The following ARID1B variants were observed in gnomAD, a reference collection of about 807,000 sequenced individuals.
ARID1B encodes the protein AT-rich interactive domain-containing protein 1B.
A neutral mutation model predicts 212.3 loss-of-function variants in ARID1B; 30 were observed. The ratio of observed to expected loss-of-function variants is 0.14; its 90% CI spans 0.11 to 0.19. ARID1B has a LOEUF of 0.19. Ranked by LOEUF, ARID1B falls within the 10% of genes least tolerant of loss-of-function variation. The probability of loss-of-function intolerance (pLI) is 1.00; values close to 1 mark genes in which losing one functional copy is unlikely to be tolerated. For missense variants in ARID1B, 2,891 were observed against 3,204.0 expected, an observed-to-expected ratio of 0.90 and a Z score of 2.36; for synonymous variants, 1,402 against 1,301.7, an observed-to-expected ratio of 1.08 and a Z score of -1.66.
At chr6:157,194,105 G>A (rs1793564094) in intron 15 of ARID1B, 1 of 152,186 alleles carries the variant, frequency 6.6e-6, no homozygotes, top group Non-Finnish European at 1.5e-5. Context: ...CTTTTCATAT[G>A]TTGATTGACC....
rs2128046366 is a variant in ARID1B, at chr6:156,829,314, C to G, written c.1879C>G (p.Pro627Ala). The change falls in exon 2 of 20, where the codon CCG becomes GCG. Residue 627 changes from proline to alanine, a missense_variant. Coordinates refer to ENST00000636930, the MANE Select transcript of ARID1B (RefSeq NM_001374828.1). ...TCATTCTCAGCCTCAGCAGAGCAGT[C>G]CGTACCCAGGAGGTTCCTATGGCCC... Reference protein sequence around the residue: ...NPHSQPQQSSPYPGGSYGPPG... With the variant: ...NPHSQPQQSSAYPGGSYGPPG... 6.2e-7 allele frequency: 1 copy of G among 1,614,206 alleles called. No individual in the cohort carries two copies. The highest frequency in any genetic ancestry group is 8.5e-7 in the Non-Finnish European group (1 of 1,180,020).
intron 3 of ARID1B, among the ~76,000 whole-genome samples, chr6:156,928,204 G>T (rs1791393586): frequency 1.3e-5 from 2 of 152,172 alleles, no homozygotes; most frequent in Admixed American, 6.5e-5. Flanking sequence ...CCCAGACTGG[G>T]ACTTAAACTT....
intron 15 of ARID1B, among the ~76,000 whole-genome samples, chr6:157,192,855 G>A (rs982313917): frequency 9.9e-5 from 15 of 152,190 alleles, no homozygotes; most frequent in African/African-American, 3.6e-4. Flanking sequence ...CCATTCTTCA[G>A]TTTGCCTTAC....
intron 2 of ARID1B, among the ~76,000 whole-genome samples, chr6:156,868,548 G>A (rs1336366965): frequency 3.9e-5 from 6 of 152,270 alleles, no homozygotes; most frequent in Admixed American, 2.0e-4. Flanking sequence ...TCCTGGTTCC[G>A]GGACTGTGCC....
chr6:156,845,704 C>T (rs1784185681), intron 2 of ARID1B, among the ~76,000 whole-genome samples: 1 of 152,008 alleles, frequency 6.6e-6, no homozygotes, highest in African/African-American at 2.4e-5. Context: ...TTGGTATTTT[C>T]CATCCATTTT....
At chr6:156,866,158 A>G (rs111864110) in intron 2 of ARID1B, among the ~76,000 whole-genome samples, 2 of 152,152 alleles carry the variant, frequency 1.3e-5, no homozygotes, top group African/African-American at 4.8e-5. Context: ...TACCACAGAA[A>G]GAGGTCTGTT....
intron 4 of ARID1B, among the ~76,000 whole-genome samples, chr6:156,982,340 G>A (rs985511684): frequency 4.0e-5 from 6 of 151,286 alleles, no homozygotes; most frequent in African/African-American, 9.7e-5. Flanking sequence ...CCATTGTGAC[G>A]TTGCCCTTTC....
chr6:157,135,985 T>C (rs1788876883), intron 7 of ARID1B, among the ~76,000 whole-genome samples: 1 of 152,250 alleles, frequency 6.6e-6, no homozygotes, highest in Non-Finnish European at 1.5e-5. Flanking sequence ...GTTTCAAATA[T>C]TTCACAGCCG....
intron 2 of ARID1B, 120 bp downstream of exon 2, chr6:156,829,541 A>G: frequency 8.9e-7 from 1 of 1,125,600 alleles, no homozygotes; most frequent in Non-Finnish European, 1.2e-6. Context: ...TTCTGCTTTA[A>G]TTTTTATTGT....
chr6:156,810,652 T>C (rs746383262), intron 1 of ARID1B, among the ~76,000 whole-genome samples: 1 of 152,136 alleles, frequency 6.6e-6, no homozygotes, highest in Non-Finnish European at 1.5e-5. Flanking sequence ...CAAGACAAAC[T>C]TGATATAGAA....
chr6:156,848,390 A>G (rs1583155608), intron 2 of ARID1B, among the ~76,000 whole-genome samples: 1 of 152,242 alleles, frequency 6.6e-6, no homozygotes, highest in African/African-American at 2.4e-5. Context: ...ATAAGAGTTC[A>G]GTTTATTTGG....
intron 5 of ARID1B, among the ~76,000 whole-genome samples, chr6:157,099,148 A>G (rs11156138): frequency 0.18 from 27,787 of 151,982 alleles, 3,717 homozygotes; most frequent in African/African-American, 0.38. Flanking sequence ...GGGTTTTATC[A>G]TGTTGGCCAG....
chr6:157,121,287 C>T (rs1562634793), intron 6 of ARID1B, among the ~76,000 whole-genome samples: 1 of 152,134 alleles, frequency 6.6e-6, no homozygotes. Flanking sequence ...GACAACATTG[C>T]CCTGTTTAAG....
chr6:157,014,208 G>A (rs1196086602), intron 4 of ARID1B, among the ~76,000 whole-genome samples: 1 of 152,314 alleles, frequency 6.6e-6, no homozygotes, highest in East Asian at 1.9e-4. Context: ...ACAGACTTTG[G>A]AATCTAGCAA....
At chr6:157,198,740 A>G in intron 16 of ARID1B, 71 bp from the exon 17 acceptor site, 1 of 1,340,272 alleles carries the variant, frequency 7.5e-7, no homozygotes, top group Non-Finnish European at 1.0e-6. Context: ...GGTTCCAGAA[A>G]TGGATTGTTT....
intron 1 of ARID1B, among the ~76,000 whole-genome samples, chr6:156,827,754 C>CTTTTTTTTTT (rs532857305): frequency 8.8e-5 from 6 of 68,420 alleles, no homozygotes; most frequent in Non-Finnish European, 1.4e-4. Context: ...CCTGGTAATT[C>CTTTTTTTTTT]TTTTTTTTTT....
At chr6:156,814,104 A>G (rs569999026) in intron 1 of ARID1B, among the ~76,000 whole-genome samples, 17 of 152,326 alleles carry the variant, frequency 1.1e-4, no homozygotes, top group Admixed American at 1.0e-3. Flanking sequence ...TCAAAATTCC[A>G]TGTACTGAAA....
chr6:157,106,384 C>T (rs555355868), intron 5 of ARID1B, among the ~76,000 whole-genome samples: 4 of 152,288 alleles, frequency 2.6e-5, no homozygotes, highest in Admixed American at 6.5e-5. Flanking sequence ...TCTGGAGGCT[C>T]GACTAGGGAA....
chr6:156,897,199 TGC>T (rs1788484446), intron 2 of ARID1B, among the ~76,000 whole-genome samples: 5 of 71,054 alleles, frequency 7.0e-5, no homozygotes, highest in African/African-American at 1.7e-4. Context: ...CTACTGCTGC[TGC>T]TGCTGCTGCT....
Sources: allele counts gnomAD v4.1 joint callset (sites outside exome capture counted in the v4.1 genomes callset), GRCh38; gene constraint gnomAD v4.1.1; transcripts MANE v1.5; gene names NCBI Gene and HGNC (gene_info 2026-07-23, HGNC 2026-07-21).